TARBP1: variants seen among roughly 807,000 people sequenced by gnomAD.
TARBP1 encodes the protein tRNA (guanosine(18)-2'-O)-methyltransferase TARBP1.
In TARBP1, 144 loss-of-function variants were observed where a neutral mutation model predicts 178.6. The ratio of observed to expected loss-of-function variants is 0.81; its 90% CI spans 0.70 to 0.93. TARBP1 has a LOEUF of 0.93. Among genes scored for constraint, TARBP1 ranks in the 40% least tolerant of loss-of-function variants. The pLI, the probability that TARBP1 is intolerant of heterozygous loss-of-function variation, is 0.00. For missense variants in TARBP1, 2,067 were observed against 2,011.7 expected (o/e 1.03, Z -0.53); for synonymous variants, 787 against 781.0 (o/e 1.01, Z -0.13).
chr1:234,478,548 C>T lies in TARBP1; in HGVS notation c.556G>A (p.Asp186Asn), dbSNP rs1669803464. Residue 186 changes from aspartate to asparagine, a missense_variant, in exon 1 of 30, where the codon GAC (aspartate) becomes AAC (asparagine). By Grantham distance (23) the Asp-to-Asn change is conservative. Transcript: ENST00000040877. ...CGCCCGGCCACCAGCGCCGCCGCGT[C>T]CTCGGCAGGCCCGGCCTCATCCCCG... ...GDGDEAGPAEDAAALVAGRLL... is the reference protein window; with the variant it reads ...GDGDEAGPAENAAALVAGRLL... The T allele has an allele frequency of 7.4e-7, 1 of 1,347,046 alleles. No individual in the cohort carries two copies. Among genetic ancestry groups the T allele is most frequent in the Non-Finnish European group, 9.5e-7 (1 of 1,047,902 alleles). The allele number at this position is 1,347,046 out of a possible 1,614,324, so 83.4% of individuals were successfully genotyped here. A position where few individuals can be genotyped will look rare whatever the true frequency, so the allele number is the denominator to read the frequency against.
intron 25 of TARBP1, among the ~76,000 whole-genome samples, chr1:234,398,889 A>G (rs1257493736): frequency 6.6e-6 from 1 of 152,218 alleles, no homozygotes; most frequent in African/African-American, 2.4e-5. Flanking sequence ...AGTGCAATTT[A>G]CTGACAACTA....
At chr1:234,400,505 C>T (rs1660572392) in intron 25 of TARBP1, among the ~76,000 whole-genome samples, 1 of 152,068 alleles carries the variant, frequency 6.6e-6, no homozygotes, top group Non-Finnish European at 1.5e-5. Flanking sequence ...ATTGCTTATG[C>T]ACAGCAGCTT....
chr1:234,432,141 A>T (rs1248105367), intron 14 of TARBP1, among the ~76,000 whole-genome samples: 2 of 121,682 alleles, frequency 1.6e-5, no homozygotes, highest in Non-Finnish European at 3.5e-5. Context: ...TCTCCAAAAA[A>T]AAAAAAAAAA....
intron 22 of TARBP1, among the ~76,000 whole-genome samples, chr1:234,411,079 CATAAA>C (rs1245535775): frequency 3.9e-5 from 6 of 152,018 alleles, no homozygotes; most frequent in African/African-American, 7.2e-5. Context: ...CAAAAAAAAA[CATAAA>C]ATAAAGTACA....
chr1:234,478,448 G>A lies in TARBP1; in HGVS notation c.656C>T (p.Ala219Val). The A allele has an allele frequency of 7.2e-7, 1 of 1,382,324 alleles. No individual in the cohort carries two copies. The highest frequency in any genetic ancestry group is 1.5e-5 in the South Asian group (1 of 68,498). The allele number at this position is 1,382,324 out of a possible 1,614,324, so 85.6% of individuals were successfully genotyped here. ...CTCTACGCGGCCGGACCCCAGGGAC[G>A]CCCCAGGCGCGGCCAGCCCGCCCCA... ...AVWGGLAAPG[A>V]SLGSGRVEEK... The change falls in exon 1 of 30, where the codon GCG becomes GTG. Residue 219 changes from alanine to valine, a missense_variant. By Grantham distance (64) the Ala-to-Val change is moderately conservative. Transcript: ENST00000040877.
At chr1:234,455,767 T>TA (rs1025986887) in intron 9 of TARBP1, among the ~76,000 whole-genome samples, 24 of 149,080 alleles carry the variant, frequency 1.6e-4, no homozygotes, top group Non-Finnish European at 2.7e-4. Flanking sequence ...AAAAAGGAAC[T>TA]AAAAAAAAAT....
At chr1:234,436,019 G>C (rs1393285340) in intron 13 of TARBP1, among the ~76,000 whole-genome samples, 1 of 151,940 alleles carries the variant, frequency 6.6e-6, no homozygotes, top group Non-Finnish European at 1.5e-5. Context: ...CGTAACTTAA[G>C]TGAGAATTCT....
At chr1:234,396,933 G>A (rs1011984383) in intron 26 of TARBP1, among the ~76,000 whole-genome samples, 3 of 151,892 alleles carry the variant, frequency 2.0e-5, no homozygotes, top group Admixed American at 6.6e-5. Flanking sequence ...CAGGATGGCC[G>A]GAGACTGGCA....
intron 24 of TARBP1, chr1:234,405,257 A>G (rs918062647): frequency 2.0e-5 from 3 of 152,226 alleles, no homozygotes; most frequent in Non-Finnish European, 4.4e-5. Flanking sequence ...ATCTATGATA[A>G]TAATAAAAAG....
intron 9 of TARBP1, 65 bp from the exon 10 acceptor site, chr1:234,450,631 C>T: frequency 1.3e-6 from 2 of 1,528,738 alleles, no homozygotes; most frequent in Non-Finnish European, 8.8e-7. Flanking sequence ...TTCTAATCTC[C>T]TTAAGCCACG....
intron 20 of TARBP1, among the ~76,000 whole-genome samples, chr1:234,423,436 CCT>C (rs200226519): frequency 0.011 from 1,718 of 152,254 alleles, 28 homozygotes; most frequent in African/African-American, 0.037. Context: ...AGGAACGACC[CCT>C]GTTATTCCCC....
At chr1:234,451,450 A>T (rs1666739475) in intron 9 of TARBP1, among the ~76,000 whole-genome samples, 1 of 151,366 alleles carries the variant, frequency 6.6e-6, no homozygotes, top group Non-Finnish European at 1.5e-5. Flanking sequence ...CTGACCAAAG[A>T]TAAAACTGAT....
Position 234,463,928 on chromosome 1 carries a change from TG to T in TARBP1, c.1307del (p.Pro436GlnfsTer5). 1 of 1,577,550 alleles carries T rather than the reference TG, an allele frequency of 6.3e-7. No homozygotes were observed. Among genetic ancestry groups the T allele is most frequent in the Non-Finnish European group, 8.6e-7 (1 of 1,163,418 alleles). ...LSESSLYSRS[P>X]GQPIGSCSPL... ...GAGAACAGCTTCCTATTGGCTGGCC[TG>T]GGGACCTACAAACAGAGAGTGGGGA... On this transcript the variant is annotated frameshift_variant, in exon 6 of 30. Coordinates refer to ENST00000040877, the MANE Select transcript of TARBP1 (RefSeq NM_005646.4). LOFTEE classifies it high-confidence loss of function.
chr1:234,434,017 T>A (rs1664755844), intron 13 of TARBP1, among the ~76,000 whole-genome samples: 1 of 152,222 alleles, frequency 6.6e-6, no homozygotes, highest in Non-Finnish European at 1.5e-5. Flanking sequence ...GTTAAACAAC[T>A]TAAATGCACA....
intron 12 of TARBP1, among the ~76,000 whole-genome samples, chr1:234,444,779 T>C (rs1292912587): frequency 1.3e-5 from 2 of 152,120 alleles, no homozygotes; most frequent in African/African-American, 4.8e-5. Flanking sequence ...TCTCTATCAG[T>C]GCTCCTTCTA....
At position 234,405,933 on chromosome 1, in the gene TARBP1, A is replaced by G; in HGVS notation, c.3959T>C (p.Leu1320Pro). Residue 1320 changes from leucine to proline, a missense_variant, in exon 24 of 30, where the codon CTC (leucine) becomes CCC (proline). By Grantham distance (98) the Leu-to-Pro change is moderately conservative. Coordinates refer to ENST00000040877, the MANE Select transcript of TARBP1 (RefSeq NM_005646.4). ...DALTPVIESS[L>P]HQVESMHGAG... ...TCCGTGCATGCTTTCCACTTGATGG[A>G]GGCTGGATTCAATCACAGGAGTCAG... 1 of 1,614,150 alleles carries G rather than the reference A, an allele frequency of 6.2e-7. No homozygotes were observed. Among genetic ancestry groups the G allele is most frequent in the Non-Finnish European group, 8.5e-7 (1 of 1,180,004 alleles).
chr1:234,460,513 A>G (rs1363943399), intron 6 of TARBP1, 117 bp from the exon 7 acceptor site: 2 of 1,027,580 alleles, frequency 1.9e-6, no homozygotes, highest in African/African-American at 3.2e-5. Flanking sequence ...CACTTCCCAC[A>G]CACTATGATG....
In TARBP1 at chr1:234,410,313, A is replaced by G. The variant is rs1185303859; in HGVS notation, c.3792+132T>C. ...GTATTTGTGTCTAATACATGTGCAC[A>G]TTAGCAGGGCAGTGGAAAGGAAAGG... On this transcript the variant is annotated intron_variant, in intron 23 of 29. Coordinates refer to ENST00000040877, the MANE Select transcript of TARBP1 (RefSeq NM_005646.4). 5.3e-6 allele frequency: 3 copies of G among 567,012 alleles called. No homozygotes were observed. The African/African-American group carries it at 5.7e-5, about 11-fold the overall frequency. The allele number at this position is 567,012 out of a possible 1,614,324, so 35.1% of individuals were successfully genotyped here.
intron 26 of TARBP1, among the ~76,000 whole-genome samples, chr1:234,395,839 C>T (rs1659883416): frequency 6.6e-6 from 1 of 152,088 alleles, no homozygotes; most frequent in African/African-American, 2.4e-5. Flanking sequence ...CAGGAATAAG[C>T]TCTTGTGTTC....
Sources: allele counts gnomAD v4.1 joint callset (sites outside exome capture counted in the v4.1 genomes callset), GRCh38; gene constraint gnomAD v4.1.1; transcripts MANE v1.5; gene names NCBI Gene and HGNC (gene_info 2026-07-23, HGNC 2026-07-21).